PCNT: variants seen among roughly 807,000 people sequenced by gnomAD.
The protein encoded by PCNT is kendrin.
PCNT carries 319 observed loss-of-function variants against 380.4 expected under a neutral mutation model. That is an observed-to-expected ratio of 0.84 (90% confidence interval 0.77 to 0.92). The LOEUF (loss-of-function observed/expected upper bound fraction) is 0.92. Ranked by LOEUF, PCNT falls within the 40% of genes least tolerant of loss-of-function variation. PCNT has a pLI of 0.00. For missense variants in PCNT, 4,400 were observed against 4,255.3 expected (o/e 1.03, Z -0.95); for synonymous variants, 1,845 against 1,735.2 (o/e 1.06, Z -1.57).
intron 46 of PCNT, 47 bp from the exon 47 acceptor site, chr21:46,445,237 G>A (rs1293133181): frequency 1.2e-5 from 16 of 1,327,122 alleles, no homozygotes; most frequent in Middle Eastern, 1.8e-4. Flanking sequence ...CAAAAAATCT[G>A]TGAAGCCTTG....
intron 2 of PCNT, among the ~76,000 whole-genome samples, chr21:46,330,778 T>C (rs2083534556): frequency 1.3e-5 from 2 of 152,212 alleles, no homozygotes; most frequent in Admixed American, 1.3e-4. Flanking sequence ...GTCCACTGTT[T>C]AAAGCTAGCA....
chr21:46,370,903 T>C (rs1023906580), intron 15 of PCNT, among the ~76,000 whole-genome samples: 35 of 152,132 alleles, frequency 2.3e-4, no homozygotes, highest in Non-Finnish European at 4.1e-4. Context: ...GGCATGGTGG[T>C]GGGCGCCTGT....
At chr21:46,342,356 CT>C (rs1265489075) in intron 3 of PCNT, among the ~76,000 whole-genome samples, 1 of 152,102 alleles carries the variant, frequency 6.6e-6, no homozygotes, top group Non-Finnish European at 1.5e-5. Flanking sequence ...ATCTGCCCCC[CT>C]CGCCCTCCCA....
In PCNT at chr21:46,366,844, T is replaced by C. The variant is rs1274702545; in HGVS notation, c.2870T>C (p.Leu957Pro). Residue 957 changes from leucine to proline, a missense_variant, in exon 15 of 47, where the codon CTC becomes CCC. Leu to Pro is a moderately conservative substitution (Grantham distance 98). Coordinates refer to ENST00000359568, the MANE Select transcript of PCNT (RefSeq NM_006031.6). The part of the protein sequence containing the change: ...AELQTKHAAD[L>P]GALETRHLSS... Reference sequence around the variant, plus strand: ...CTGCAGACAAAACACGCTGCCGACCTCGGCGCTCTGGAGACCAGACATCTG... The same window carrying C: ...CTGCAGACAAAACACGCTGCCGACCCCGGCGCTCTGGAGACCAGACATCTG... The C allele has an allele frequency of 1.2e-6, 2 of 1,614,030 alleles. No homozygotes were observed.
chr21:46,329,429 G>T (rs2083486304), intron 2 of PCNT, among the ~76,000 whole-genome samples: 1 of 152,172 alleles, frequency 6.6e-6, no homozygotes, highest in Non-Finnish European at 1.5e-5. Flanking sequence ...CGTTGTTATG[G>T]TTTTTGGTAT....
chr21:46,397,561 C>G (rs1159187718), intron 22 of PCNT, 67 bp downstream of exon 22: 2 of 1,322,560 alleles, frequency 1.5e-6, no homozygotes, highest in South Asian at 2.4e-5. Flanking sequence ...GAACTTCTTT[C>G]CAGATCGTTA....
intron 3 of PCNT, among the ~76,000 whole-genome samples, chr21:46,336,585 G>A (rs1252288254): frequency 1.3e-5 from 2 of 152,186 alleles, no homozygotes; most frequent in African/African-American, 4.8e-5. Flanking sequence ...GGCTCATCGT[G>A]TAGGCCCTGT....
chr21:46,358,882 G>A (rs1237780821), intron 13 of PCNT, among the ~76,000 whole-genome samples: 3 of 151,006 alleles, frequency 2.0e-5, no homozygotes, highest in African/African-American at 7.3e-5. Flanking sequence ...CTCACTGCAA[G>A]CTCTGCCTCC....
chr21:46,331,827 C>T (rs2083570365), intron 2 of PCNT, among the ~76,000 whole-genome samples: 8 of 152,026 alleles, frequency 5.3e-5, no homozygotes, highest in Admixed American at 5.2e-4. Flanking sequence ...CTTTCAGTTA[C>T]AGATGAGGAA....
At chr21:46,347,314 A>T in intron 5 of PCNT, 143 bp from the exon 6 acceptor site, 1 of 834,518 alleles carries the variant, frequency 1.2e-6, no homozygotes, top group Non-Finnish European at 2.0e-6. Flanking sequence ...ATTAAAGCCA[A>T]GCATCATCAC....
intron 27 of PCNT, among the ~76,000 whole-genome samples, chr21:46,406,099 T>C (rs1029969182): frequency 2.6e-5 from 4 of 152,228 alleles, no homozygotes; most frequent in Non-Finnish European, 4.4e-5. Flanking sequence ...TTTATGTCAG[T>C]GAAGATGTTT....
In PCNT at chr21:46,417,583, G is replaced by T. The variant is rs372671169; in HGVS notation, c.6922-621G>T. On this transcript the variant is annotated intron_variant, in intron 30 of 46. Coordinates refer to ENST00000359568, the MANE Select transcript of PCNT (RefSeq NM_006031.6). ...TATTATTTCTAACATAATCATTTTG[G>T]GATTTTGTGTATCTTGAGTAAGATA... Among the ~76,000 whole-genome samples, 34 of 152,170 alleles carry T rather than the reference G, an allele frequency of 2.2e-4. No homozygotes were observed. The South Asian group carries it at 6.7e-3, about 30-fold the overall frequency.
At position 46,416,301 on chromosome 21, in the gene PCNT, C is replaced by CGTGTG. The variant is rs1411838823; in HGVS notation, c.6383_6384insGTGTG (p.Ala2131ValfsTer10). On this transcript the variant is annotated frameshift_variant, in exon 30 of 47. Coordinates refer to ENST00000359568, the MANE Select transcript of PCNT (RefSeq NM_006031.6). LOFTEE classifies it high-confidence loss of function. ...CCTGACATATCACCCCACATAGACA[C>CGTGTG]ATGTGATGCCAATACAGCCACGGGG... 6.2e-7 allele frequency: 1 copy of CGTGTG among 1,613,968 alleles called. No individual in the cohort carries two copies. The highest frequency in any genetic ancestry group is 8.5e-7 in the Non-Finnish European group (1 of 1,179,886).
intron 29 of PCNT, among the ~76,000 whole-genome samples, chr21:46,414,753 G>A (rs1370338292): frequency 2.6e-4 from 11 of 42,668 alleles, no homozygotes; most frequent in African/African-American, 9.9e-4. Context: ...TCCTGGACAC[G>A]CAGCCGCCCA....
In PCNT at chr21:46,349,105, T is replaced by A; in HGVS notation, c.1126T>A (p.Leu376Ile). The change falls in exon 7 of 47, where the codon TTA becomes ATA. Residue 376 changes from leucine (L) to isoleucine (I), a missense_variant. Leu to Ile is a conservative substitution (Grantham distance 5). Transcript: ENST00000359568. ...AAAGCATCAATCAGAAATGGAGGAT[T>A]TACAAAACCAGTTTCAGAAAGAATT... ...SAKHQSEMED[L>I]QNQFQKELAE... The A allele has an allele frequency of 6.2e-7, 1 of 1,612,776 alleles. No individual in the cohort carries two copies. The highest frequency in any genetic ancestry group is 1.6e-4 in the Middle Eastern group (1 of 6,062).
intron 17 of PCNT, among the ~76,000 whole-genome samples, chr21:46,386,674 C>T (rs757600232): frequency 8.5e-5 from 13 of 152,220 alleles, no homozygotes; most frequent in African/African-American, 1.2e-4. Context: ...CCTTTTGTCG[C>T]GTGTGGGGTC....
chr21:46,413,704 C>T (rs2086896226), intron 29 of PCNT, among the ~76,000 whole-genome samples: 1 of 152,184 alleles, frequency 6.6e-6, no homozygotes, highest in Non-Finnish European at 1.5e-5. Context: ...TGATGGCCAG[C>T]GTCTGTTTTA....
chr21:46,416,693 T>C lies in PCNT; in HGVS notation c.6775T>C (p.Ser2259Pro). Residue 2259 changes from serine (S) to proline (P), a missense_variant, in exon 30 of 47, where the codon TCC becomes CCC. Ser to Pro is a moderately conservative substitution (Grantham distance 74, BLOSUM62 -1). Transcript: ENST00000359568. ...CCTGAGCCTGTGCAGTGCCGACACA[T>C]CCCTGGGGGACAGGGCGGACACCTC... ...GALSLCSADT[S>P]LGDRADTSLP... 1 of 1,567,172 alleles carries C rather than the reference T, an allele frequency of 6.4e-7. No homozygotes were observed. The highest frequency in any genetic ancestry group is 1.2e-5 in the South Asian group (1 of 83,112).
intron 12 of PCNT, 151 bp from the exon 13 acceptor site, chr21:46,356,823 T>A: frequency 1.5e-6 from 1 of 685,806 alleles, no homozygotes. Flanking sequence ...GAGCCATGCC[T>A]GCTTTCATCA....
Sources: gnomAD v4.1 joint callset for allele counts (sites outside exome capture counted in the v4.1 genomes callset) on GRCh38, gnomAD v4.1.1 for gene constraint, MANE v1.5 for transcripts, NCBI Gene and HGNC (gene_info 2026-07-23, HGNC 2026-07-21) for gene names.